ADAMTS2: variants seen among roughly 807,000 people sequenced by gnomAD.
The protein encoded by ADAMTS2 is A disintegrin and metalloproteinase with thrombospondin motifs 2.
In ADAMTS2, 50 loss-of-function variants were observed where a neutral mutation model predicts 123.0. That is an observed-to-expected ratio of 0.41 (90% CI 0.32 to 0.51). The LOEUF (loss-of-function observed/expected upper bound fraction) is 0.51, where lower values mean the gene tolerates loss of function less well. ADAMTS2 is among the 20% of genes least tolerant of loss of function. ADAMTS2 has a pLI of 0.35. For missense variants in ADAMTS2, 1,494 were observed against 1,705.2 expected (o/e 0.88, Z 2.18); for synonymous variants, 678 against 695.4 (o/e 0.98, Z 0.39).
rs557877648 is a variant in ADAMTS2, at chr5:179,155,706, C to T, written c.1133-787G>A. Among the ~76,000 whole-genome samples the T allele has an allele frequency of 3.9e-5, 6 of 152,262 alleles. No individual in the cohort carries two copies. Among genetic ancestry groups the T allele is most frequent in the East Asian group, 1.9e-4 (1 of 5,172 alleles). On this transcript the variant is annotated intron_variant, in intron 6 of 21. Coordinates refer to ENST00000251582, the MANE Select transcript of ADAMTS2 (RefSeq NM_014244.5). This position sits in a 1 kb window ranked among gnomAD's most constrained non-coding sequence, Gnocchi z 5.1. ...CAGCTCCTGTCTCAGCAGAGGGAGG[C>T]GGCTTGGAAAGATAGGGAAGTGCCT... is the stretch of plus-strand genomic sequence containing the variant.
At chr5:179,134,511 G>T (rs1763018101) in intron 13 of ADAMTS2, among the ~76,000 whole-genome samples, 1 of 152,140 alleles carries the variant, frequency 6.6e-6, no homozygotes, top group Non-Finnish European at 1.5e-5. Flanking sequence ...CCACTGCCCT[G>T]CCTTCCTCAG....
At chr5:179,259,115 G>C (rs1308288979) in intron 3 of ADAMTS2, among the ~76,000 whole-genome samples, 1 of 152,098 alleles carries the variant, frequency 6.6e-6, no homozygotes, top group Non-Finnish European at 1.5e-5. Flanking sequence ...GCCCACAGAA[G>C]CCATCGTGAT....
At chr5:179,200,754 T>C (rs1453707356) in intron 4 of ADAMTS2, among the ~76,000 whole-genome samples, 1 of 152,168 alleles carries the variant, frequency 6.6e-6, no homozygotes, top group African/African-American at 2.4e-5. Flanking sequence ...AGGGAAAGAC[T>C]GCAGGATCTT....
At position 179,307,671 on chromosome 5, in the gene ADAMTS2, T is replaced by C. The variant is rs968374188; in HGVS notation, c.535-34607A>G. On this transcript the variant is annotated intron_variant, in intron 2 of 21. Coordinates refer to ENST00000251582, the MANE Select transcript of ADAMTS2 (RefSeq NM_014244.5). This position sits in a 1 kb window ranked among gnomAD's most constrained non-coding sequence, Gnocchi z 5.6. ...CCCGCTGATTTCTCCTTCACTCAAGTGCCAGCCGTGGAGATCTCCTCTGTG... is the reference window on the plus strand; with the variant it reads ...CCCGCTGATTTCTCCTTCACTCAAGCGCCAGCCGTGGAGATCTCCTCTGTG... Among the ~76,000 whole-genome samples the C allele has an allele frequency of 2.0e-4, 31 of 152,118 alleles. No individual in the cohort carries two copies. Among genetic ancestry groups the C allele is most frequent in the Non-Finnish European group, 4.4e-4 (30 of 68,018 alleles).
At chr5:179,135,763 G>C in intron 13 of ADAMTS2, 146 bp downstream of exon 13, 1 of 1,269,568 alleles carries the variant, frequency 7.9e-7, no homozygotes, top group South Asian at 1.3e-5. Context: ...CATTTGCCAA[G>C]AGCCTGCCCT....
intron 4 of ADAMTS2, among the ~76,000 whole-genome samples, chr5:179,192,185 C>T (rs1413407115): frequency 1.3e-5 from 2 of 152,166 alleles, no homozygotes; most frequent in East Asian, 3.9e-4. Context: ...GGGCTGCAGG[C>T]CATCACCTTG....
intron 3 of ADAMTS2, among the ~76,000 whole-genome samples, chr5:179,257,584 G>A (rs1437770391): frequency 1.3e-5 from 2 of 152,352 alleles, no homozygotes; most frequent in East Asian, 1.9e-4. Context: ...CCGCTGATGC[G>A]CTACAGATGG....
chr5:179,123,538 A>C (rs929717838), intron 19 of ADAMTS2, among the ~76,000 whole-genome samples: 1 of 151,922 alleles, frequency 6.6e-6, no homozygotes, highest in African/African-American at 2.4e-5. Flanking sequence ...CAATCCTCCC[A>C]CCTTAGCCTC....
chr5:179,325,611 A>C (rs1399365307), intron 2 of ADAMTS2, among the ~76,000 whole-genome samples: 1 of 152,222 alleles, frequency 6.6e-6, no homozygotes, highest in African/African-American at 2.4e-5. Flanking sequence ...CATGTGACCC[A>C]ACCTGAGCCA....
chr5:179,152,035 T>G, intron 10 of ADAMTS2, 107 bp downstream of exon 10: 1 of 1,004,538 alleles, frequency 1.0e-6, no homozygotes, highest in Non-Finnish European at 1.5e-6. Context: ...AGAGGTCCCC[T>G]GAGAGGGCCC....
chr5:179,323,357 A>C (rs560391365), intron 2 of ADAMTS2, among the ~76,000 whole-genome samples: 17 of 152,354 alleles, frequency 1.1e-4, no homozygotes, highest in Non-Finnish European at 1.5e-4. Flanking sequence ...CTCCCAAGCT[A>C]AGGACAGAGA....
chr5:179,207,098 G>A (rs1050195961), intron 4 of ADAMTS2, among the ~76,000 whole-genome samples: 4 of 152,170 alleles, frequency 2.6e-5, no homozygotes, highest in Admixed American at 6.5e-5. Context: ...GCTGAATAAC[G>A]TCACTTTATG....
intron 3 of ADAMTS2, among the ~76,000 whole-genome samples, chr5:179,266,439 G>A (rs566248609): frequency 3.3e-5 from 5 of 152,098 alleles, no homozygotes; most frequent in Non-Finnish European, 7.4e-5. Context: ...AGAGACTGCA[G>A]CAATGTTGCC....
At chr5:179,302,104 A>G (rs945021414) in intron 2 of ADAMTS2, among the ~76,000 whole-genome samples, 2 of 151,916 alleles carry the variant, frequency 1.3e-5, no homozygotes, top group Non-Finnish European at 2.9e-5. Flanking sequence ...TAGAGTGAGT[A>G]GGAAGCCACA....
Position 179,162,784 on chromosome 5 carries a change from A to G in ADAMTS2, c.976-3905T>C, listed in dbSNP as rs1408285802. Among the ~76,000 whole-genome samples, 1 of 152,220 alleles carries G rather than the reference A, an allele frequency of 6.6e-6. No homozygotes were observed. The highest frequency in any genetic ancestry group is 1.5e-5 in the Non-Finnish European group (1 of 68,042). Reference sequence around the variant, plus strand: ...ACTGACGGGTGTCATTTATGCCTGAAGAAGTTCCTCTCCTTGTGAAAGCCA... The same window carrying G: ...ACTGACGGGTGTCATTTATGCCTGAGGAAGTTCCTCTCCTTGTGAAAGCCA... On this transcript the variant is annotated intron_variant, in intron 5 of 21. Transcript: ENST00000251582. This position sits in a 1 kb window ranked among gnomAD's most constrained non-coding sequence, Gnocchi z 5.1.
At chr5:179,258,039 C>T (rs1212676299) in intron 3 of ADAMTS2, among the ~76,000 whole-genome samples, 1 of 152,192 alleles carries the variant, frequency 6.6e-6, no homozygotes, top group Admixed American at 6.5e-5. Context: ...CCATACGAGA[C>T]CACTGTCCTC....
chr5:179,259,332 T>C (rs567802724), intron 3 of ADAMTS2, among the ~76,000 whole-genome samples: 8 of 152,252 alleles, frequency 5.3e-5, no homozygotes, highest in Admixed American at 4.6e-4. Context: ...ATTGTGCAGG[T>C]ATTTGTGGAC....
chr5:179,172,414 C>T (rs1455403151), intron 5 of ADAMTS2, among the ~76,000 whole-genome samples: 2 of 152,244 alleles, frequency 1.3e-5, no homozygotes, highest in African/African-American at 4.8e-5. Context: ...CCCAGCAAAG[C>T]AGAACTTCTG....
chr5:179,299,486 A>G (rs921980814), intron 2 of ADAMTS2, among the ~76,000 whole-genome samples: 14 of 145,614 alleles, frequency 9.6e-5, no homozygotes, highest in South Asian at 2.3e-4. Flanking sequence ...CCAAGATCAC[A>G]CCACAGCACT....
Sources: allele counts gnomAD v4.1 joint callset (sites outside exome capture counted in the v4.1 genomes callset), GRCh38; gene constraint gnomAD v4.1.1; non-coding constraint Gnocchi (gnomAD v3.1); transcripts MANE v1.5; gene names NCBI Gene and HGNC (gene_info 2026-07-23, HGNC 2026-07-21).